The following TSHZ2 variants were observed in gnomAD, a reference collection of about 807,000 sequenced individuals.
The protein encoded by TSHZ2 is teashirt homolog 2.
Under a neutral mutation model 74.4 loss-of-function variants are expected in TSHZ2, and 21 were observed. The ratio of observed to expected loss-of-function variants is 0.28; its 90% CI spans 0.20 to 0.41. TSHZ2 has a LOEUF of 0.41. Ranked by LOEUF, TSHZ2 falls within the 10% of genes least tolerant of loss-of-function variation. TSHZ2 has a pLI of 1.00. For missense variants in TSHZ2, 1,244 were observed against 1,293.5 expected (o/e 0.96, Z 0.59); for synonymous variants, 540 against 515.3 (o/e 1.05, Z -0.65).
Position 53,312,357 on chromosome 20 carries a change from A to G in TSHZ2, c.*8+55786A>G, listed in dbSNP as rs530453585. Among the ~76,000 whole-genome samples, 4 of 152,320 alleles carry G rather than the reference A, an allele frequency of 2.6e-5. No individual in the cohort carries two copies. In the South Asian group the frequency reaches 6.2e-4, roughly 24 times the overall value. ...TTCAGTTTGGGTGAAATCTGCCACC[A>G]GCATGTCTGTCTTTTGACGATATGT... On this transcript the variant is annotated intron_variant, in intron 2 of 2. Transcript: ENST00000371497.
chr20:53,160,509 C>T (rs1987904515), intron 1 of TSHZ2, among the ~76,000 whole-genome samples: 1 of 152,084 alleles, frequency 6.6e-6, no homozygotes, highest in Non-Finnish European at 1.5e-5. Context: ...TGGCTCATGC[C>T]TGTAATTCCA....
intron 1 of TSHZ2, among the ~76,000 whole-genome samples, chr20:52,986,794 AT>A (rs1981783510): frequency 6.6e-6 from 1 of 152,352 alleles, no homozygotes. Context: ...GGCAAATGAT[AT>A]GGGTTTTTCA....
At position 53,263,098 on chromosome 20, in the gene TSHZ2, A is replaced by G. The variant is rs144748122; in HGVS notation, c.*8+6527A>G. 6.9e-3 allele frequency among the ~76,000 whole-genome samples: 1,045 copies of G among 152,262 alleles called. 15 individuals carry two copies. The highest frequency in any genetic ancestry group is 0.024 in the African/African-American group (994 of 41,528). On this transcript the variant is annotated intron_variant, in intron 2 of 2. Transcript: ENST00000371497. The stretch of plus-strand genomic sequence containing the variant: ...CAGGAGGCATAGAATATATTTAGGC[A>G]CAGAAGGTGTTTCCATGGGGCTGAT...
chr20:53,316,493 A>G (rs1453146088), intron 2 of TSHZ2, among the ~76,000 whole-genome samples: 1 of 152,148 alleles, frequency 6.6e-6, no homozygotes, highest in East Asian at 1.9e-4. Context: ...GTGAGGTTAA[A>G]TGAATATCTT....
intron 2 of TSHZ2, among the ~76,000 whole-genome samples, chr20:53,444,157 T>C (rs1984458040): frequency 6.6e-6 from 1 of 152,172 alleles, no homozygotes; most frequent in Admixed American, 6.5e-5. Flanking sequence ...CAGGTCATGG[T>C]TCACTGAAGC....
chr20:53,473,335 G>A (rs1197062150), intron 2 of TSHZ2, among the ~76,000 whole-genome samples: 3 of 143,216 alleles, frequency 2.1e-5, no homozygotes. Context: ...GCCTCCTCAA[G>A]TGGGTCCCTG....
intron 2 of TSHZ2, among the ~76,000 whole-genome samples, chr20:53,440,877 A>G (rs150646218): frequency 6.6e-6 from 1 of 152,378 alleles, no homozygotes; most frequent in East Asian, 1.9e-4. Flanking sequence ...CAGCAAGTGC[A>G]AAGGCCCTGA....
chr20:53,235,602 T>C (rs1480441239), intron 1 of TSHZ2, among the ~76,000 whole-genome samples: 5 of 152,166 alleles, frequency 3.3e-5, no homozygotes, highest in African/African-American at 1.2e-4. Context: ...ATAAAATGTA[T>C]ATTGCATACT....
chr20:53,447,311 G>A (rs568192753), intron 2 of TSHZ2, among the ~76,000 whole-genome samples: 1 of 152,210 alleles, frequency 6.6e-6, no homozygotes. Context: ...TTAGTGGCCT[G>A]TTCTTCTGCC....
At chr20:53,168,140 C>T (rs1988105139) in intron 1 of TSHZ2, among the ~76,000 whole-genome samples, 1 of 152,194 alleles carries the variant, frequency 6.6e-6, no homozygotes, top group Non-Finnish European at 1.5e-5. Context: ...AGATCAAGTG[C>T]ACTCTCAATT....
In TSHZ2 at chr20:53,106,697, A is replaced by ATT. The variant is rs199499312; in HGVS notation, c.40+133372_40+133373dup. Among the ~76,000 whole-genome samples the ATT allele has an allele frequency of 1.1e-3, 103 of 93,554 alleles. 1 individual carries two copies. Among genetic ancestry groups the ATT allele is most frequent in the African/African-American group, 2.0e-3 (45 of 22,902 alleles). The allele number at this position is 93,554 out of a possible 152,430, so 61.4% of individuals were successfully genotyped here. A position where few individuals can be genotyped will look rare whatever the true frequency, so the allele number is the denominator to read the frequency against. ...ACAGGCGTGAGCCACCACGCAGGGC[A>ATT]TTTTTTTTTGTTTTTTTTTTGACAC... On this transcript the variant is annotated intron_variant, in intron 1 of 2. Transcript: ENST00000371497.
chr20:53,137,404 A>T (rs1987274378), intron 1 of TSHZ2, among the ~76,000 whole-genome samples: 2 of 151,278 alleles, frequency 1.3e-5, no homozygotes, highest in Admixed American at 1.3e-4. Context: ...CAGGTTACAT[A>T]ACTGTTCGTT....
At chr20:53,476,109 G>T (rs200214256) in intron 2 of TSHZ2, among the ~76,000 whole-genome samples, 1 of 143,704 alleles carries the variant, frequency 7.0e-6, no homozygotes, top group South Asian at 2.3e-4. Context: ...ATTCCTTCTG[G>T]AACTATTCCA....
chr20:53,221,132 C>G (rs1438254554), intron 1 of TSHZ2, among the ~76,000 whole-genome samples: 1 of 152,072 alleles, frequency 6.6e-6, no homozygotes, highest in Non-Finnish European at 1.5e-5. Flanking sequence ...ATGGGGAAAC[C>G]CCTTTTGCTT....
At chr20:53,296,342 G>A (rs1462672333) in intron 2 of TSHZ2, among the ~76,000 whole-genome samples, 1 of 152,130 alleles carries the variant, frequency 6.6e-6, no homozygotes, top group Non-Finnish European at 1.5e-5. Context: ...TTTAGTTGCT[G>A]TAAGGTTTTA....
In TSHZ2 at chr20:53,253,611, C is replaced by G; in HGVS notation, c.153C>G (p.Asp51Glu). Residue 51 changes from aspartate (D) to glutamate (E), a missense_variant, in exon 2 of 3, where the codon GAC becomes GAG. Transcript: ENST00000371497. The stretch of plus-strand genomic sequence containing the variant: ...AGGGTGGCAATGACACAGGGACGGA[C>G]GAGGAGCTAGAAACGGGCCCAGAGC... ...QLQGGNDTGT[D>E]EELETGPEQK... 6.2e-7 allele frequency: 1 copy of G among 1,614,046 alleles called. No homozygotes were observed.
intron 1 of TSHZ2, among the ~76,000 whole-genome samples, chr20:52,995,115 G>C (rs913771173): frequency 6.6e-6 from 1 of 152,166 alleles, no homozygotes; most frequent in Admixed American, 6.5e-5. Context: ...TTTTTATCTT[G>C]ATGAATCCTG....
At chr20:53,383,269 A>C (rs1051130363) in intron 2 of TSHZ2, among the ~76,000 whole-genome samples, 54 of 146,236 alleles carry the variant, frequency 3.7e-4, no homozygotes, top group African/African-American at 1.4e-3. Flanking sequence ...TCTCAAAAAA[A>C]AAAAGAAAAA....
At chr20:53,245,151 T>C (rs753920393) in intron 1 of TSHZ2, among the ~76,000 whole-genome samples, 1 of 152,220 alleles carries the variant, frequency 6.6e-6, no homozygotes, top group Non-Finnish European at 1.5e-5. Flanking sequence ...CTTTATCACA[T>C]GCTATACTCT....
Sources: gnomAD v4.1 joint callset for allele counts (sites outside exome capture counted in the v4.1 genomes callset) on GRCh38, gnomAD v4.1.1 for gene constraint, MANE v1.5 for transcripts, NCBI Gene and HGNC (gene_info 2026-07-23, HGNC 2026-07-21) for gene names.